Variants in RALY observed in about 807,000 individuals in gnomAD.
RALY encodes the protein RNA-binding protein Raly.
RALY carries 15 observed loss-of-function variants against 30.7 expected under a neutral mutation model. The ratio of observed to expected loss-of-function variants is 0.49; its 90% CI spans 0.33 to 0.75. The LOEUF (loss-of-function observed/expected upper bound fraction) is 0.75, where lower values mean the gene tolerates loss of function less well. RALY is among the 30% of genes least tolerant of loss of function. The pLI is 0.02. For synonymous variants in RALY, 177 were observed against 170.8 expected, an observed-to-expected ratio of 1.04 and a Z score of -0.28; for missense variants, 339 against 414.3, an observed-to-expected ratio of 0.82 and a Z score of 1.58.
chr20:34,000,118 C>A (rs576360417), intron 1 of RALY, among the ~76,000 whole-genome samples: 117 of 152,154 alleles, frequency 7.7e-4, no homozygotes, highest in African/African-American at 2.5e-3. Flanking sequence ...AAAATGACAG[C>A]CGTAATGTTA....
rs376124258 is a variant in RALY, at chr20:34,081,513, C to G, written c.*1608C>G. The G allele has an allele frequency of 6.6e-6, 1 of 152,192 alleles. No individual in the cohort carries two copies. Among genetic ancestry groups the G allele is most frequent in the Admixed American group, 6.5e-5 (1 of 15,284 alleles). The allele number at this position is 152,192 out of a possible 1,614,324, so 9.4% of individuals were successfully genotyped here. ...GCTTTAGGTTTTCCCTCCATCTTTA[C>G]GTGTTGATCAAAGTTTGCAGATCTG... On this transcript the variant is annotated 3_prime_UTR_variant, in exon 10 of 10. Transcript: ENST00000246194.
chr20:34,073,784 C>G (rs1192245213), intron 4 of RALY, 35 bp from the exon 5 acceptor site: 1 of 1,610,910 alleles, frequency 6.2e-7, no homozygotes, highest in Non-Finnish European at 8.5e-7. Context: ...AGTGGCCGTC[C>G]CTAAGCTCCA....
At chr20:34,045,904 C>T (rs2032864374) in intron 2 of RALY, among the ~76,000 whole-genome samples, 1 of 152,120 alleles carries the variant, frequency 6.6e-6, no homozygotes, top group Non-Finnish European at 1.5e-5. Flanking sequence ...GTTCTCTTGC[C>T]GTCTGGTGTC....
At chr20:34,044,562 G>A (rs1021839901) in intron 2 of RALY, among the ~76,000 whole-genome samples, 3 of 152,134 alleles carry the variant, frequency 2.0e-5, no homozygotes, top group East Asian at 3.9e-4. Flanking sequence ...TTAGGTGATC[G>A]GCCGACCTCA....
chr20:34,076,676 C>G, intron 6 of RALY, 26 bp from the exon 7 acceptor site: 1 of 1,600,946 alleles, frequency 6.2e-7, no homozygotes, highest in Non-Finnish European at 8.6e-7. Context: ...CCCTAGGTGA[C>G]AGCCCTGTCC....
intron 2 of RALY, among the ~76,000 whole-genome samples, chr20:34,048,310 T>G (rs2032954609): frequency 6.6e-6 from 1 of 152,050 alleles, no homozygotes; most frequent in Non-Finnish European, 1.5e-5. Flanking sequence ...CTCGTGCTCC[T>G]GGGGGGATGA....
chr20:34,002,862 T>C (rs941994480), intron 1 of RALY, among the ~76,000 whole-genome samples: 1 of 152,226 alleles, frequency 6.6e-6, no homozygotes, highest in Non-Finnish European at 1.5e-5. Context: ...TCATGTTGAA[T>C]TATTTTAAGT....
At chr20:34,005,877 C>G (rs1054048433) in intron 1 of RALY, among the ~76,000 whole-genome samples, 3 of 152,178 alleles carry the variant, frequency 2.0e-5, no homozygotes, top group Admixed American at 2.0e-4. Context: ...TTGCCTCTTT[C>G]ACTTAGTAAT....
intron 1 of RALY, among the ~76,000 whole-genome samples, chr20:34,003,890 C>T (rs2122983977): frequency 6.6e-6 from 1 of 152,244 alleles, no homozygotes; most frequent in East Asian, 1.9e-4. Flanking sequence ...CCGCCCGCCT[C>T]CGCCTCCCAA....
At chr20:34,039,073 T>C (rs779002011) in intron 2 of RALY, among the ~76,000 whole-genome samples, 25 of 152,194 alleles carry the variant, frequency 1.6e-4, no homozygotes, top group Non-Finnish European at 3.1e-4. Flanking sequence ...CTTCCTGTTC[T>C]GTGTCTCCAA....
intron 2 of RALY, among the ~76,000 whole-genome samples, chr20:34,049,419 C>A (rs1361667115): frequency 6.6e-6 from 1 of 151,876 alleles, no homozygotes; most frequent in South Asian, 2.1e-4. Flanking sequence ...GTATGTAGTC[C>A]CCTCCCTCAG....
intron 2 of RALY, among the ~76,000 whole-genome samples, chr20:34,057,329 T>C (rs1231968215): frequency 6.6e-6 from 1 of 152,156 alleles, no homozygotes; most frequent in Non-Finnish European, 1.5e-5. Flanking sequence ...ACATACTCAA[T>C]ATAATAGCAC....
At chr20:34,075,563 G>C (rs1010867182) in intron 5 of RALY, among the ~76,000 whole-genome samples, 1 of 152,024 alleles carries the variant, frequency 6.6e-6, no homozygotes, top group African/African-American at 2.4e-5. Flanking sequence ...TAATAGAGCA[G>C]GCCTGGGTGC....
chr20:34,068,771 C>T (rs2033647660), intron 2 of RALY, among the ~76,000 whole-genome samples: 1 of 152,302 alleles, frequency 6.6e-6, no homozygotes, highest in South Asian at 2.1e-4. Flanking sequence ...GCTCTACCTC[C>T]TTTTCATTCC....
At chr20:34,018,923 C>G (rs2031710880) in intron 1 of RALY, among the ~76,000 whole-genome samples, 1 of 152,152 alleles carries the variant, frequency 6.6e-6, no homozygotes, top group African/African-American at 2.4e-5. Flanking sequence ...AGGATCTGTA[C>G]TTGTTAGAAG....
At chr20:34,033,525 T>A (rs139470495) in intron 2 of RALY, among the ~76,000 whole-genome samples, 11 of 152,188 alleles carry the variant, frequency 7.2e-5, no homozygotes, top group African/African-American at 2.6e-4. Context: ...TGGGTAGAAA[T>A]CAGATGGTAA....
intron 2 of RALY, among the ~76,000 whole-genome samples, chr20:34,068,027 G>A (rs1290857018): frequency 1.3e-5 from 2 of 151,952 alleles, no homozygotes; most frequent in Non-Finnish European, 2.9e-5. Context: ...CTGTTCTTCC[G>A]AGTAAGAGCA....
At chr20:34,047,943 T>A (rs1204358138) in intron 2 of RALY, among the ~76,000 whole-genome samples, 1 of 152,154 alleles carries the variant, frequency 6.6e-6, no homozygotes, top group African/African-American at 2.4e-5. Context: ...CTTGTTTCCT[T>A]CCTCAAGTTC....
At chr20:34,050,616 C>CAGATA (rs1396801722) in intron 2 of RALY, among the ~76,000 whole-genome samples, 2 of 152,204 alleles carry the variant, frequency 1.3e-5, no homozygotes, top group African/African-American at 4.8e-5. Flanking sequence ...AGGGTAGTCT[C>CAGATA]TATCTGAGAG....
Sources: allele counts gnomAD v4.1 joint callset (sites outside exome capture counted in the v4.1 genomes callset), GRCh38; gene constraint gnomAD v4.1.1; transcripts MANE v1.5; gene names NCBI Gene and HGNC (gene_info 2026-07-23, HGNC 2026-07-21).